Variants in CNTN4 observed in about 807,000 individuals in gnomAD.
The protein encoded by CNTN4 is contactin-4.
A neutral mutation model predicts 122.5 loss-of-function variants in CNTN4; 77 were observed. The observed-to-expected ratio is 0.63, with a 90% CI of 0.52 to 0.76. The LOEUF (loss-of-function observed/expected upper bound fraction) is 0.76. Ranked by LOEUF, CNTN4 falls within the 30% of genes least tolerant of loss-of-function variation. The pLI is 0.00. For synonymous variants in CNTN4, 512 were observed against 447.0 expected, an observed-to-expected ratio of 1.15 and a Z score of -1.83; for missense variants, 1,256 against 1,259.1, an observed-to-expected ratio of 1.00 and a Z score of 0.04.
At chr3:2,637,276 A>T (rs1312873921) in intron 4 of CNTN4, among the ~76,000 whole-genome samples, 1 of 151,964 alleles carries the variant, frequency 6.6e-6, no homozygotes, top group African/African-American at 2.4e-5. Flanking sequence ...TGCTTAAACC[A>T]TTTTTTTAAA....
Position 2,748,298 on chromosome 3 carries a change from C to G in CNTN4, c.358+2601C>G, listed in dbSNP as rs537910071. Among the ~76,000 whole-genome samples, 3 of 152,268 alleles carry G rather than the reference C, an allele frequency of 2.0e-5. No individual in the cohort carries two copies. The East Asian group carries it at 5.8e-4, about 29-fold the overall frequency. ...TATTTCTTATAAATTCCTATTCATC[C>G]AGTGCTACCCAACCACGTTGTTTTA... On this transcript the variant is annotated intron_variant, in intron 6 of 24. Transcript: ENST00000418658.
At chr3:2,303,890 A>G (rs990359026) in intron 2 of CNTN4, among the ~76,000 whole-genome samples, 1 of 152,186 alleles carries the variant, frequency 6.6e-6, no homozygotes, top group Non-Finnish European at 1.5e-5. Context: ...AGGTATTTAG[A>G]GCTGATTGTA....
At chr3:2,130,239 C>T (rs1258642132) in intron 2 of CNTN4, among the ~76,000 whole-genome samples, 1 of 152,046 alleles carries the variant, frequency 6.6e-6, no homozygotes, top group Non-Finnish European at 1.5e-5. Context: ...AAATTTAACC[C>T]TAAAGAAAGA....
intron 2 of CNTN4, among the ~76,000 whole-genome samples, chr3:2,264,790 T>A (rs921002877): frequency 6.6e-6 from 1 of 152,124 alleles, no homozygotes; most frequent in African/African-American, 2.4e-5. Context: ...TTGAGTTAAT[T>A]TTTTATATGG....
intron 6 of CNTN4, among the ~76,000 whole-genome samples, chr3:2,750,851 G>C (rs1181671163): frequency 6.6e-6 from 1 of 152,216 alleles, no homozygotes; most frequent in Non-Finnish European, 1.5e-5. Flanking sequence ...CATAAGGAAT[G>C]AGTTGAACCA....
At chr3:2,735,292 C>T (rs769771843) in intron 4 of CNTN4, among the ~76,000 whole-genome samples, 11 of 152,258 alleles carry the variant, frequency 7.2e-5, no homozygotes, top group South Asian at 2.1e-4. Flanking sequence ...TGGGCGTAAG[C>T]GGCGAGATGC....
intron 14 of CNTN4, among the ~76,000 whole-genome samples, chr3:2,998,475 A>G (rs1256261040): frequency 2.0e-5 from 3 of 152,144 alleles, no homozygotes; most frequent in Non-Finnish European, 4.4e-5. Flanking sequence ...GAATGCCTAC[A>G]CTCAACAAAG....
At chr3:2,801,338 G>A (rs1217522328) in intron 6 of CNTN4, among the ~76,000 whole-genome samples, 1 of 152,100 alleles carries the variant, frequency 6.6e-6, no homozygotes, top group Non-Finnish European at 1.5e-5. Context: ...TTGAAAAATT[G>A]TTCTCTGTAC....
chr3:2,330,785 T>C (rs542924659), intron 2 of CNTN4, among the ~76,000 whole-genome samples: 1 of 152,292 alleles, frequency 6.6e-6, no homozygotes, highest in African/African-American at 2.4e-5. Context: ...TCTGGCATTC[T>C]ATAGCTGTTT....
chr3:2,960,955 G>C (rs1483326353), intron 13 of CNTN4, among the ~76,000 whole-genome samples: 5 of 152,108 alleles, frequency 3.3e-5, no homozygotes, highest in Non-Finnish European at 5.9e-5. Flanking sequence ...ATTGTGCCGG[G>C]CGCGGTGACT....
At chr3:3,031,884 G>A (rs1699197235) in intron 16 of CNTN4, among the ~76,000 whole-genome samples, 1 of 152,220 alleles carries the variant, frequency 6.6e-6, no homozygotes. Context: ...AACTTCGAAC[G>A]CAAGAAAATA....
chr3:2,278,342 C>T (rs2041594939), intron 2 of CNTN4, among the ~76,000 whole-genome samples: 1 of 152,198 alleles, frequency 6.6e-6, no homozygotes. Context: ...TCCTACTTCA[C>T]ACATCCCAGT....
At chr3:2,782,854 G>A (rs1052841985) in intron 6 of CNTN4, among the ~76,000 whole-genome samples, 2 of 152,094 alleles carry the variant, frequency 1.3e-5, no homozygotes, top group Non-Finnish European at 2.9e-5. Context: ...GCTTTCAAGG[G>A]GATCATAATC....
intron 2 of CNTN4, among the ~76,000 whole-genome samples, chr3:2,230,595 G>A (rs750034037): frequency 4.6e-5 from 7 of 152,088 alleles, no homozygotes; most frequent in Non-Finnish European, 7.3e-5. Context: ...TTAATCACTG[G>A]AACCATCAAA....
At chr3:2,782,212 T>C (rs924607329) in intron 6 of CNTN4, among the ~76,000 whole-genome samples, 2 of 152,014 alleles carry the variant, frequency 1.3e-5, no homozygotes, top group Non-Finnish European at 2.9e-5. Context: ...TGACCCCAGC[T>C]TCCCTTCTTG....
intron 7 of CNTN4, among the ~76,000 whole-genome samples, chr3:2,829,829 G>A (rs1040385720): frequency 2.6e-5 from 4 of 152,048 alleles, no homozygotes; most frequent in African/African-American, 9.7e-5. Context: ...ACCTTGTAGA[G>A]AATTGGTGGT....
intron 4 of CNTN4, among the ~76,000 whole-genome samples, chr3:2,714,444 T>C (rs2600296): frequency 0.1 from 15,311 of 152,008 alleles, 1,056 homozygotes; most frequent in African/African-American, 0.19. Flanking sequence ...GTTGGAGATG[T>C]TTCACTGGTT....
chr3:2,960,389 TTTTTTTG>T (rs139810847), intron 13 of CNTN4, among the ~76,000 whole-genome samples: 20,451 of 151,276 alleles, frequency 0.14, 1,678 homozygotes, highest in East Asian at 0.39. Flanking sequence ...AGGTTTTGAG[TTTTTTTG>T]TTTTTTGTTT....
At chr3:2,962,996 A>G (rs2094877242) in intron 13 of CNTN4, among the ~76,000 whole-genome samples, 1 of 152,142 alleles carries the variant, frequency 6.6e-6, no homozygotes, top group South Asian at 2.1e-4. Context: ...TGATCAGCGC[A>G]GAGTAGAATG....
Sources: gnomAD v4.1 joint callset for allele counts (sites outside exome capture counted in the v4.1 genomes callset) on GRCh38, gnomAD v4.1.1 for gene constraint, MANE v1.5 for transcripts, NCBI Gene and HGNC (gene_info 2026-07-23, HGNC 2026-07-21) for gene names.